Variants in ADAMTSL1 observed in about 807,000 individuals in gnomAD.
ADAMTSL1 encodes ADAMTS-like protein 1.
A neutral mutation model predicts 201.8 loss-of-function variants in ADAMTSL1; 126 were observed. That is an observed-to-expected ratio of 0.62 (90% confidence interval 0.54 to 0.72). ADAMTSL1 has a LOEUF of 0.72. Ranked by LOEUF, ADAMTSL1 falls within the 30% of genes least tolerant of loss-of-function variation. The pLI is 0.00. For missense variants in ADAMTSL1, 2,679 were observed against 2,277.8 expected (o/e 1.18, Z -3.59); for synonymous variants, 1,121 against 903.4 (o/e 1.24, Z -4.32).
At chr9:18,308,140 A>C (rs2132769595) in intron 2 of ADAMTSL1, among the ~76,000 whole-genome samples, 1 of 152,274 alleles carries the variant, frequency 6.6e-6, no homozygotes, top group South Asian at 2.1e-4. Flanking sequence ...GTTATTTGAA[A>C]CTGATGAGAA....
chr9:18,785,904 A>C (rs1821682326), intron 19 of ADAMTSL1, among the ~76,000 whole-genome samples: 1 of 152,220 alleles, frequency 6.6e-6, no homozygotes, highest in Non-Finnish European at 1.5e-5. Flanking sequence ...TTACTGGATG[A>C]GGATTGATCA....
chr9:18,681,932 G>T lies in ADAMTSL1; in HGVS notation c.1462G>T (p.Val488Leu). The T allele has an allele frequency of 6.2e-7, 1 of 1,614,084 alleles. No individual in the cohort carries two copies. The highest frequency in any genetic ancestry group is 1.1e-5 in the South Asian group (1 of 91,068). The change falls in exon 12 of 29, where the codon GTA (valine) becomes TTA (leucine). Residue 488 changes from valine to leucine, a missense_variant. Physicochemically the swap from Val to Leu is conservative, Grantham distance 32. Transcript: ENST00000380548. The stretch of plus-strand genomic sequence containing the variant: ...GCCCCACATAAAAGAGGAATGCATC[G>T]TACCCACTCCCTGCTATAAACCCAA... ...TKPHIKEECI[V>L]PTPCYKPKEK...
intron 1 of ADAMTSL1, among the ~76,000 whole-genome samples, chr9:18,085,910 T>C (rs959179147): frequency 6.6e-6 from 1 of 151,922 alleles, no homozygotes; most frequent in Non-Finnish European, 1.5e-5. Context: ...CAAGAGATGA[T>C]AGTGGCTCAG....
At chr9:18,498,023 A>C (rs1187102901) in intron 1 of ADAMTSL1, among the ~76,000 whole-genome samples, 3 of 152,216 alleles carry the variant, frequency 2.0e-5, no homozygotes. Context: ...TGAGGACAAA[A>C]TAATTTTTTA....
intron 8 of ADAMTSL1, among the ~76,000 whole-genome samples, chr9:18,661,237 G>T (rs763539694): frequency 6.6e-6 from 1 of 152,152 alleles, no homozygotes; most frequent in Non-Finnish European, 1.5e-5. Context: ...TTTGTGGGTG[G>T]AGGCTAAGAA....
intron 1 of ADAMTSL1, among the ~76,000 whole-genome samples, chr9:17,994,484 G>A (rs1819294667): frequency 6.6e-6 from 1 of 152,062 alleles, no homozygotes; most frequent in Non-Finnish European, 1.5e-5. Context: ...ATGCTTCAGT[G>A]CCATTCAAAA....
intron 13 of ADAMTSL1, among the ~76,000 whole-genome samples, chr9:18,685,969 G>T (rs1015229682): frequency 1.3e-4 from 19 of 151,752 alleles, no homozygotes; most frequent in Non-Finnish European, 2.4e-4. Context: ...CCCGGGCATG[G>T]ATGTAGTGGC....
chr9:18,837,762 C>T (rs576220195), intron 23 of ADAMTSL1, among the ~76,000 whole-genome samples: 5 of 152,296 alleles, frequency 3.3e-5, no homozygotes, highest in Admixed American at 1.3e-4. Context: ...GAATTGAGTA[C>T]GTGTGACAGG....
At chr9:18,265,641 T>C (rs527401467) in intron 2 of ADAMTSL1, among the ~76,000 whole-genome samples, 6 of 152,320 alleles carry the variant, frequency 3.9e-5, no homozygotes, top group African/African-American at 1.4e-4. Context: ...ATAAGATTTC[T>C]TTTTGCTATT....
rs1240768434 is a variant in ADAMTSL1 at position 18,091,102 on chromosome 9, A to C, written c.88-72760A>C. ...GTGTGTGTGTGTGTGTGTGTACCTA[A>C]CTTCAAATCAGCCAATTACTGGATA... On this transcript the variant is annotated intron_variant, in intron 1 of 29. Coordinates refer to the ADAMTSL1 transcript ENST00000680146. Among the ~76,000 whole-genome samples, 4 of 150,930 alleles carry C rather than the reference A, an allele frequency of 2.7e-5. No individual in the cohort carries two copies. In the East Asian group the frequency reaches 7.8e-4, roughly 29 times the overall value.
chr9:18,543,657 C>T (rs1820295897), intron 3 of ADAMTSL1, among the ~76,000 whole-genome samples: 1 of 152,190 alleles, frequency 6.6e-6, no homozygotes, highest in Admixed American at 6.6e-5. Context: ...AAAAAATCCT[C>T]ATATTTTATG....
intron 1 of ADAMTSL1, among the ~76,000 whole-genome samples, chr9:18,149,922 G>A (rs1826833027): frequency 6.6e-6 from 1 of 151,980 alleles, no homozygotes; most frequent in Non-Finnish European, 1.5e-5. Flanking sequence ...ACAGATTATA[G>A]GCAGACTTAC....
chr9:18,147,959 T>C (rs960522921), intron 1 of ADAMTSL1, among the ~76,000 whole-genome samples: 3 of 152,148 alleles, frequency 2.0e-5, no homozygotes, highest in African/African-American at 4.8e-5. Flanking sequence ...TTATCTCTTC[T>C]ACTAGACTGT....
At chr9:18,048,891 A>G (rs1821792796) in intron 1 of ADAMTSL1, among the ~76,000 whole-genome samples, 1 of 152,166 alleles carries the variant, frequency 6.6e-6, no homozygotes. Flanking sequence ...ACAGAAATGT[A>G]CTTTTTGACA....
intron 2 of ADAMTSL1, among the ~76,000 whole-genome samples, chr9:18,330,071 G>A (rs1242844209): frequency 6.6e-6 from 1 of 152,150 alleles, no homozygotes; most frequent in Non-Finnish European, 1.5e-5. Flanking sequence ...GAGACTTAAT[G>A]TCAATAAAGT....
At chr9:17,920,145 T>C (rs1050689190) in intron 1 of ADAMTSL1, among the ~76,000 whole-genome samples, 1 of 152,184 alleles carries the variant, frequency 6.6e-6, no homozygotes, top group Non-Finnish European at 1.5e-5. Flanking sequence ...AAAGAAAAGT[T>C]CTTAATTTAT....
At chr9:18,628,472 C>T (rs1582016) in intron 5 of ADAMTSL1, among the ~76,000 whole-genome samples, 32,664 of 151,908 alleles carry the variant, frequency 0.22, 3,691 homozygotes, top group Admixed American at 0.26. Flanking sequence ...TTTTTATTAC[C>T]GTGGCTTTAA....
chr9:18,305,137 G>A (rs765339882), intron 2 of ADAMTSL1, among the ~76,000 whole-genome samples: 44 of 152,308 alleles, frequency 2.9e-4, no homozygotes, highest in Non-Finnish European at 5.6e-4. Context: ...AAGGGAAGCC[G>A]TGAGGGACTG....
chr9:18,475,866 A>G (rs370774547), intron 1 of ADAMTSL1, among the ~76,000 whole-genome samples: 4 of 152,136 alleles, frequency 2.6e-5, no homozygotes, highest in East Asian at 3.8e-4. Flanking sequence ...TACTTTAGTA[A>G]AACTTTCCCA....
Sources: allele counts gnomAD v4.1 joint callset (sites outside exome capture counted in the v4.1 genomes callset), GRCh38; gene constraint gnomAD v4.1.1; transcripts MANE v1.5; gene names NCBI Gene and HGNC (gene_info 2026-07-23, HGNC 2026-07-21).